DGLUCY: variants seen among roughly 807,000 people sequenced by gnomAD.
DGLUCY encodes the protein D-glutamate cyclase, mitochondrial.
A neutral mutation model predicts 58.5 loss-of-function variants in DGLUCY; 58 were observed. The ratio of observed to expected loss-of-function variants is 0.99; its 90% confidence interval spans 0.80 to 1.23. The LOEUF is 1.23. DGLUCY is among the 50% of genes most tolerant of loss of function. The probability of loss-of-function intolerance (pLI) is 0.00; values close to 1 mark genes in which losing one functional copy is unlikely to be tolerated. For synonymous variants in DGLUCY, 325 were observed against 314.1 expected, an observed-to-expected ratio of 1.03 and a Z score of -0.37; for missense variants, 779 against 784.7, an observed-to-expected ratio of 0.99 and a Z score of 0.09.
At chr14:91,124,228 T>C (rs914131151) in intron 1 of DGLUCY, among the ~76,000 whole-genome samples, 2 of 152,082 alleles carry the variant, frequency 1.3e-5, no homozygotes, top group Admixed American at 1.3e-4. Flanking sequence ...ACCCTGCCAA[T>C]AGTCAGACTT....
At chr14:91,067,644 GCTCAAACAATCCTCCTAC>G (rs1422675333) in intron 1 of DGLUCY, among the ~76,000 whole-genome samples, 1 of 151,736 alleles carries the variant, frequency 6.6e-6, no homozygotes, top group Non-Finnish European at 1.5e-5. Flanking sequence ...TGCCTCCTGG[GCTCAAACAATCCTCCTAC>G]CTCAGTCTCC....
chr14:91,082,038 C>T (rs1270773280), intron 1 of DGLUCY, among the ~76,000 whole-genome samples: 1 of 152,118 alleles, frequency 6.6e-6, no homozygotes, highest in Non-Finnish European at 1.5e-5. Context: ...CCTCAAGGTC[C>T]TCAATTTCAT....
intron 10 of DGLUCY, 102 bp from the exon 11 acceptor site, chr14:91,199,654 GA>G (rs2050431421): frequency 2.9e-6 from 4 of 1,357,612 alleles, no homozygotes; most frequent in East Asian, 2.3e-5. Context: ...AGGAATCAAA[GA>G]AAAAAAGAAG....
chr14:91,184,614 TGGAAGGAA>T (rs1225312394), intron 8 of DGLUCY, among the ~76,000 whole-genome samples: 3 of 71,490 alleles, frequency 4.2e-5, no homozygotes, highest in African/African-American at 1.9e-4. Flanking sequence ...AGTCTGATTC[TGGAAGGAA>T]GGAAGGAAGG....
chr14:91,158,279 A>G (rs1458728990), intron 2 of DGLUCY, among the ~76,000 whole-genome samples: 1 of 152,022 alleles, frequency 6.6e-6, no homozygotes, highest in East Asian at 1.9e-4. Context: ...CAGAATCTTC[A>G]CTGGGCAATG....
In DGLUCY at chr14:91,072,630, C is replaced by T. The variant is rs1273590071; in HGVS notation, c.-82+11926C>T. Among the ~76,000 whole-genome samples, 8 of 150,388 alleles carry T rather than the reference C, an allele frequency of 5.3e-5. No homozygotes were observed. The South Asian group carries it at 8.4e-4, about 16-fold the overall frequency. ...ATATACCAAATATTGATGGCTGTTT[C>T]CAGAAAGTGAGATTTGAGACACCAA... On this transcript the variant is annotated intron_variant, in intron 1 of 4. Coordinates refer to the DGLUCY transcript ENST00000521334.
At chr14:91,217,645 C>T (rs1237031254) in intron 13 of DGLUCY, among the ~76,000 whole-genome samples, 1 of 150,880 alleles carries the variant, frequency 6.6e-6, no homozygotes, top group Non-Finnish European at 1.5e-5. Flanking sequence ...CCACCATGCC[C>T]AGCTAATTTT....
chr14:91,113,304 TAAC>T (rs1265367030), upstream of DGLUCY, among the ~76,000 whole-genome samples: 16 of 152,068 alleles, frequency 1.1e-4, no homozygotes, highest in African/African-American at 2.4e-4. Flanking sequence ...TGTCTCAAAA[TAAC>T]AACAACAATA....
chr14:91,126,307 ATCCTTGGAGT>A (rs954557325), intron 1 of DGLUCY: 3 of 152,906 alleles, frequency 2.0e-5, no homozygotes, highest in African/African-American at 7.2e-5. Flanking sequence ...GCCCCAGGAA[ATCCTTGGAGT>A]TCCTTGGACT....
intron 1 of DGLUCY, among the ~76,000 whole-genome samples, chr14:91,089,008 G>A (rs375062414): frequency 5.9e-5 from 9 of 152,324 alleles, no homozygotes; most frequent in South Asian, 2.1e-4. Flanking sequence ...CAATGCCACA[G>A]GGCCCACTCA....
At chr14:91,186,829 A>G (rs887413262) in intron 8 of DGLUCY, among the ~76,000 whole-genome samples, 5 of 151,958 alleles carry the variant, frequency 3.3e-5, no homozygotes, top group Non-Finnish European at 7.4e-5. Flanking sequence ...TGACCCTCCT[A>G]CATCTGGACT....
intron 1 of DGLUCY, among the ~76,000 whole-genome samples, chr14:91,098,104 A>G (rs2044426981): frequency 6.6e-6 from 1 of 152,252 alleles, no homozygotes; most frequent in South Asian, 2.1e-4. Flanking sequence ...CATTTCTACC[A>G]TATAGATGTA....
At chr14:91,205,059 C>T (rs894982810) in intron 12 of DGLUCY, among the ~76,000 whole-genome samples, 3 of 152,174 alleles carry the variant, frequency 2.0e-5, no homozygotes, top group African/African-American at 7.2e-5. Context: ...CCCTGCTCCA[C>T]AGAGCTCCCA....
intron 1 of DGLUCY, among the ~76,000 whole-genome samples, chr14:91,116,097 T>C (rs1415878262): frequency 2.0e-5 from 3 of 152,208 alleles, no homozygotes; most frequent in Non-Finnish European, 4.4e-5. Context: ...GCATGGCAGA[T>C]ACACAAAACC....
At chr14:91,167,419 TC>T in intron 4 of DGLUCY, 41 bp downstream of exon 4, 1 of 1,612,794 alleles carries the variant, frequency 6.2e-7, no homozygotes, top group South Asian at 1.1e-5. Flanking sequence ...CTTGGGAGTG[TC>T]CAGGTGCTGT....
At chr14:91,193,632 G>A (rs1370416338) in intron 9 of DGLUCY, among the ~76,000 whole-genome samples, 1 of 152,112 alleles carries the variant, frequency 6.6e-6, no homozygotes, top group African/African-American at 2.4e-5. Context: ...CCTGAGCTCA[G>A]GAATTTGAGA....
intron 1 of DGLUCY, among the ~76,000 whole-genome samples, chr14:91,063,023 A>G (rs2043758641): frequency 6.6e-6 from 1 of 152,194 alleles, no homozygotes; most frequent in Admixed American, 6.5e-5. Context: ...TAATCACATA[A>G]AGAAATATAA....
chr14:91,139,779 C>T (rs2046545689), intron 1 of DGLUCY, among the ~76,000 whole-genome samples: 2 of 152,188 alleles, frequency 1.3e-5, no homozygotes, highest in South Asian at 2.1e-4. Context: ...CCAAAAAGTA[C>T]CTGAGACAGT....
upstream of DGLUCY, among the ~76,000 whole-genome samples, chr14:91,110,759 T>G (rs2044679929): frequency 6.6e-6 from 1 of 152,078 alleles, no homozygotes. Flanking sequence ...TCTAATCAAG[T>G]TTTTTCATTG....
Sources: gnomAD v4.1 joint callset for allele counts (sites outside exome capture counted in the v4.1 genomes callset) on GRCh38, gnomAD v4.1.1 for gene constraint, MANE v1.5 for transcripts, NCBI Gene and HGNC (gene_info 2026-07-23, HGNC 2026-07-21) for gene names.